The following RIMS2 variants were observed in gnomAD, a reference collection of about 807,000 sequenced individuals.
RIMS2 encodes the protein regulating synaptic membrane exocytosis protein 2.
Under a neutral mutation model 174.4 loss-of-function variants are expected in RIMS2, and 59 were observed. That is an observed-to-expected ratio of 0.34 (90% CI 0.27 to 0.42). RIMS2 has a LOEUF of 0.42. RIMS2 is among the 10% of genes least tolerant of loss of function. The probability of loss-of-function intolerance (pLI) is 1.00; values close to 1 mark genes in which losing one functional copy is unlikely to be tolerated. For missense variants in RIMS2, 1,620 were observed against 1,666.3 expected (o/e 0.97, Z 0.48); for synonymous variants, 606 against 572.5 (o/e 1.06, Z -0.84).
At chr8:104,101,017 T>C (rs940919030) in intron 19 of RIMS2, among the ~76,000 whole-genome samples, 1 of 140,028 alleles carries the variant, frequency 7.1e-6, no homozygotes, top group Non-Finnish European at 1.5e-5. Flanking sequence ...ATATATTACA[T>C]ATGTAATATA....
chr8:103,936,425 G>T (rs182313880), intron 12 of RIMS2, 126 bp from the exon 15 acceptor site: 6 of 559,822 alleles, frequency 1.1e-5, no homozygotes, highest in Admixed American at 7.2e-5. Context: ...TATAACATTT[G>T]CAATGTATGA....
intron 19 of RIMS2, among the ~76,000 whole-genome samples, 162 bp from the exon 26 acceptor site, chr8:104,244,754 A>G (rs769958792): frequency 6.6e-6 from 1 of 152,158 alleles, no homozygotes; most frequent in African/African-American, 2.4e-5. Flanking sequence ...TCAACATGAC[A>G]TTGTTTAAAA....
chr8:103,704,796 T>A lies in RIMS2; in HGVS notation c.387+7500T>A, dbSNP rs2097205904. On this transcript the variant is annotated intron_variant, in intron 2 of 23. Coordinates refer to ENST00000504942, the Ensembl canonical transcript of RIMS2. ...TAGTCTCTAATGATCCTTTGTATTT[T>A]CATGGTATCAGTTTTAATGTCTTCT... 5.9e-5 allele frequency among the ~76,000 whole-genome samples: 9 copies of A among 152,024 alleles called. No homozygotes were observed. The South Asian group carries it at 1.9e-3, about 31-fold the overall frequency.
intron 2 of RIMS2, among the ~76,000 whole-genome samples, chr8:103,745,942 G>A (rs1329756027): frequency 6.6e-6 from 1 of 151,928 alleles, no homozygotes; most frequent in African/African-American, 2.4e-5. Context: ...ATACTTAAAA[G>A]GTTTTTTTGA....
intron 3 of RIMS2, among the ~76,000 whole-genome samples, chr8:103,867,227 G>A (rs2099088313): frequency 1.3e-5 from 2 of 151,772 alleles, no homozygotes; most frequent in South Asian, 2.1e-4. Context: ...TATTAAGATT[G>A]TCTACATTCT....
intron 2 of RIMS2, among the ~76,000 whole-genome samples, chr8:103,750,558 A>C (rs1368299763): frequency 1.3e-5 from 2 of 152,118 alleles, no homozygotes; most frequent in African/African-American, 4.8e-5. Context: ...TCCCCACCCA[A>C]ATCTCACCTT....
chr8:103,755,991 T>G (rs375026481), intron 2 of RIMS2, among the ~76,000 whole-genome samples: 1 of 152,330 alleles, frequency 6.6e-6, no homozygotes, highest in East Asian at 1.9e-4. Context: ...TGCAATCCCT[T>G]GGCGGCAAAG....
intron 1 of RIMS2, among the ~76,000 whole-genome samples, chr8:103,687,135 A>G (rs2096950327): frequency 1.3e-5 from 2 of 152,076 alleles, no homozygotes; most frequent in African/African-American, 4.8e-5. Flanking sequence ...AATGGATATA[A>G]AGCTTGTCAA....
chr8:103,656,162 G>A (rs2096529147), intron 1 of RIMS2, among the ~76,000 whole-genome samples: 1 of 152,086 alleles, frequency 6.6e-6, no homozygotes, highest in African/African-American at 2.4e-5. Context: ...GAAGGGAAAA[G>A]AACCAAAGAT....
rs1353438526 is a variant in RIMS2 at position 104,086,024 on chromosome 8, T to C, written c.3334+71409T>C. Among the ~76,000 whole-genome samples the C allele has an allele frequency of 3.3e-5, 5 of 151,988 alleles. 1 individual carries two copies. Among genetic ancestry groups the C allele is most frequent in the African/African-American group, 1.2e-4 (5 of 41,384 alleles). Reference sequence around the variant, plus strand: ...TGGATTATATGATCCTGGGGTAATATAGTTAAAAGAAGGCTAAAGATGGGA... The same window carrying C: ...TGGATTATATGATCCTGGGGTAATACAGTTAAAAGAAGGCTAAAGATGGGA... On this transcript the variant is annotated intron_variant, in intron 19 of 23. Transcript: ENST00000504942.
chr8:103,794,631 T>C (rs887642792), intron 3 of RIMS2, among the ~76,000 whole-genome samples: 11 of 152,080 alleles, frequency 7.2e-5, no homozygotes, highest in African/African-American at 2.7e-4. Context: ...GAAACCACCA[T>C]CAGAGTGAAG....
At chr8:103,833,735 T>A (rs1334831683) in intron 3 of RIMS2, among the ~76,000 whole-genome samples, 4 of 152,164 alleles carry the variant, frequency 2.6e-5, no homozygotes, top group African/African-American at 9.7e-5. Flanking sequence ...AGATATCCTA[T>A]CTTTTTACTC....
chr8:103,889,305 A>G (rs2099227359), intron 4 of RIMS2, among the ~76,000 whole-genome samples: 1 of 151,716 alleles, frequency 6.6e-6, no homozygotes, highest in Non-Finnish European at 1.5e-5. Flanking sequence ...TTAAAAAATA[A>G]TCATCACTTT....
At chr8:103,522,015 G>T (rs924253477) in intron 1 of RIMS2, among the ~76,000 whole-genome samples, 1 of 151,558 alleles carries the variant, frequency 6.6e-6, no homozygotes, top group East Asian at 1.9e-4. Context: ...TCTATTTTCT[G>T]TTGGAGTTTC....
intron 2 of RIMS2, among the ~76,000 whole-genome samples, chr8:103,745,145 TC>T (rs2097796197): frequency 1.3e-5 from 2 of 152,206 alleles, no homozygotes; most frequent in African/African-American, 4.8e-5. Flanking sequence ...TTCATCACTA[TC>T]TTCCCAAAAA....
chr8:104,074,957 A>G (rs563661699), intron 19 of RIMS2, among the ~76,000 whole-genome samples: 30 of 152,324 alleles, frequency 2.0e-4, no homozygotes, highest in African/African-American at 7.0e-4. Context: ...TATTATCAAG[A>G]AGAAACATGA....
At chr8:104,091,426 C>T (rs1024001257) in intron 19 of RIMS2, among the ~76,000 whole-genome samples, 17 of 151,336 alleles carry the variant, frequency 1.1e-4, no homozygotes, top group East Asian at 5.8e-4. Context: ...GTCTCCCATA[C>T]GGAGTATAGT....
At chr8:104,003,576 G>T (rs1161389747) in intron 17 of RIMS2, among the ~76,000 whole-genome samples, 1 of 152,056 alleles carries the variant, frequency 6.6e-6, no homozygotes, top group Non-Finnish European at 1.5e-5. Context: ...ACTGCATCTG[G>T]CTAATTTTTG....
intron 19 of RIMS2, among the ~76,000 whole-genome samples, chr8:104,114,267 A>G (rs1475063669): frequency 3.3e-5 from 5 of 152,036 alleles, no homozygotes; most frequent in African/African-American, 1.2e-4. Flanking sequence ...TTTCTGCATT[A>G]AGGGTTTGTC....
Sources: gnomAD v4.1 joint callset for allele counts (sites outside exome capture counted in the v4.1 genomes callset) on GRCh38, gnomAD v4.1.1 for gene constraint, MANE v1.5 for transcripts, NCBI Gene and HGNC (gene_info 2026-07-23, HGNC 2026-07-21) for gene names.